RAPGEF6: variants seen among roughly 807,000 people sequenced by gnomAD.
The protein encoded by RAPGEF6 is Rap guanine nucleotide exchange factor 6, also known as PDZ domain containing guanine nucleotide exchange factor (GEF) 2.
A neutral mutation model predicts 171.4 loss-of-function variants in RAPGEF6; 56 were observed. The ratio of observed to expected loss-of-function variants is 0.33; its 90% CI spans 0.26 to 0.41. The LOEUF (loss-of-function observed/expected upper bound fraction) is 0.41. Among genes scored for constraint, RAPGEF6 ranks in the 10% least tolerant of loss-of-function variants. RAPGEF6 has a pLI of 1.00. For synonymous variants in RAPGEF6, 692 were observed against 650.1 expected, an observed-to-expected ratio of 1.06 and a Z score of -0.98; for missense variants, 1,674 against 1,921.4, an observed-to-expected ratio of 0.87 and a Z score of 2.41.
intron 1 of RAPGEF6, among the ~76,000 whole-genome samples, chr5:131,622,751 A>C (rs2150035543): frequency 6.6e-6 from 1 of 152,260 alleles, no homozygotes; most frequent in South Asian, 2.1e-4. Flanking sequence ...AATGAAGGTC[A>C]AGGGGCCCCA....
intron 5 of RAPGEF6, among the ~76,000 whole-genome samples, chr5:131,557,824 T>G (rs1159202474): frequency 6.6e-6 from 1 of 152,188 alleles, no homozygotes; most frequent in Non-Finnish European, 1.5e-5. Context: ...ATTCAAATGC[T>G]AAATCAATTT....
At chr5:131,462,844 T>C (rs1754031235) in intron 18 of RAPGEF6, among the ~76,000 whole-genome samples, 1 of 151,006 alleles carries the variant, frequency 6.6e-6, no homozygotes, top group African/African-American at 2.4e-5. Flanking sequence ...TTTGTATCCA[T>C]CTATCCATCT....
At chr5:131,596,658 C>T (rs1763922893) in intron 3 of RAPGEF6, among the ~76,000 whole-genome samples, 1 of 151,946 alleles carries the variant, frequency 6.6e-6, no homozygotes. Context: ...AAAAAAGGTG[C>T]CAAAGACACT....
At chr5:131,446,765 G>T in intron 21 of RAPGEF6, 62 bp from the exon 22 acceptor site, 1 of 1,432,046 alleles carries the variant, frequency 7.0e-7, no homozygotes, top group Non-Finnish European at 9.6e-7. Context: ...ATAGCAGATT[G>T]AAGATTAAAA....
At chr5:131,502,989 A>C (rs1237685711) in intron 11 of RAPGEF6, among the ~76,000 whole-genome samples, 2 of 151,972 alleles carry the variant, frequency 1.3e-5, no homozygotes, top group Admixed American at 1.3e-4. Context: ...TTTTAGTAGA[A>C]ATAGGGTTTC....
intron 6 of RAPGEF6, among the ~76,000 whole-genome samples, chr5:131,538,848 T>C (rs1002923995): frequency 2.0e-5 from 3 of 152,244 alleles, no homozygotes; most frequent in African/African-American, 7.2e-5. Flanking sequence ...ATCACTTCTA[T>C]GCTTTTTGTC....
intron 4 of RAPGEF6, among the ~76,000 whole-genome samples, chr5:131,584,740 C>T (rs970088391): frequency 2.0e-5 from 3 of 152,192 alleles, no homozygotes; most frequent in Non-Finnish European, 4.4e-5. Flanking sequence ...AGTCCTGTGG[C>T]TTCACCCAGA....
intron 1 of RAPGEF6, among the ~76,000 whole-genome samples, chr5:131,624,248 T>C (rs1177039077): frequency 6.6e-6 from 1 of 152,192 alleles, no homozygotes; most frequent in African/African-American, 2.4e-5. Context: ...ATGGTCAAAT[T>C]CTCAGAACTG....
At position 131,521,357 on chromosome 5, in the gene RAPGEF6, A is replaced by C. The variant is rs759188111; in HGVS notation, c.627+33T>G. On this transcript the variant is annotated intron_variant, in intron 7 of 27. Transcript: ENST00000509018. ...AGAATATCTGGCAAATAAAAAAACC[A>C]TATACGCAGCATACAAATTCCTAAG... is the stretch of plus-strand genomic sequence containing the variant. 1.4e-5 allele frequency: 21 copies of C among 1,554,794 alleles called. No individual in the cohort carries two copies. The Admixed American group carries it at 4.2e-4, about 31-fold the overall frequency.
chr5:131,510,602 C>T (rs988175741), intron 7 of RAPGEF6, 111 bp from the exon 8 acceptor site: 73 of 937,852 alleles, frequency 7.8e-5, no homozygotes, highest in African/African-American at 5.4e-4. Flanking sequence ...ACTTGGGCAA[C>T]GCTGGATGCT....
chr5:131,544,441 C>CA lies in RAPGEF6; in HGVS notation c.495+3605_495+3606insT, dbSNP rs142610884. 6.7e-3 allele frequency among the ~76,000 whole-genome samples: 975 copies of CA among 145,802 alleles called. 8 individuals are homozygous for CA. The highest frequency in any genetic ancestry group is 0.025 in the African/African-American group (913 of 35,932). On this transcript the variant is annotated intron_variant, in intron 6 of 27. Transcript: ENST00000509018. ...CATTATAATGTGTGAAAGAAGCCCA[C>CA]CCCCCCAAAAAAAATCCACAATATA...
chr5:131,481,067 A>C (rs1429934593), intron 15 of RAPGEF6, among the ~76,000 whole-genome samples: 3 of 151,948 alleles, frequency 2.0e-5, no homozygotes, highest in Non-Finnish European at 4.4e-5. Flanking sequence ...CTGGGATTAC[A>C]GACATGCATC....
intron 9 of RAPGEF6, among the ~76,000 whole-genome samples, chr5:131,507,674 T>A (rs1188807691): frequency 2.0e-5 from 3 of 152,142 alleles, no homozygotes; most frequent in African/African-American, 7.2e-5. Flanking sequence ...TTTAAATGTA[T>A]AATAGAAATA....
Position 131,492,025 on chromosome 5 carries a change from CT to C in RAPGEF6, c.1731+556del, listed in dbSNP as rs1756316981. 2.0e-5 allele frequency among the ~76,000 whole-genome samples: 3 copies of C among 152,192 alleles called. No homozygotes were observed. In the South Asian group the frequency reaches 6.2e-4, roughly 32 times the overall value. On this transcript the variant is annotated intron_variant, in intron 14 of 27. Coordinates refer to ENST00000509018, the MANE Select transcript of RAPGEF6 (RefSeq NM_016340.6). ...CACATTTGGAATAGGCTGCTCTATA[CT>C]TACCTAATGCCTATACCAAAAAATA...
In RAPGEF6 at chr5:131,505,474, G is replaced by C; in HGVS notation, c.991C>G (p.Pro331Ala). 1 of 1,613,532 alleles carries C rather than the reference G, an allele frequency of 6.2e-7. No homozygotes were observed. The highest frequency in any genetic ancestry group is 8.5e-7 in the Non-Finnish European group (1 of 1,179,712). The part of the protein sequence containing the change: ...ILNGTVEISH[P>A]DGKVENLFMG... ...AACAAATTTTCAACTTTTCCATCTG[G>C]ATGACTGATTTCCACAGTGCCGTTT... is the stretch of plus-strand genomic sequence containing the variant. Residue 331 changes from proline (P) to alanine (A), a missense_variant, in exon 10 of 28, where the codon CCA becomes GCA. By Grantham distance (27) the Pro-to-Ala change is conservative (BLOSUM62 -1). Coordinates refer to ENST00000509018, the MANE Select transcript of RAPGEF6 (RefSeq NM_016340.6).
At chr5:131,445,058 A>G (rs1182345408) in intron 22 of RAPGEF6, among the ~76,000 whole-genome samples, 1 of 152,254 alleles carries the variant, frequency 6.6e-6, no homozygotes, top group Non-Finnish European at 1.5e-5. Context: ...CAGAAATAAA[A>G]TGTACTCCCA....
intron 1 of RAPGEF6, among the ~76,000 whole-genome samples, chr5:131,621,352 C>G (rs766371949): frequency 3.9e-5 from 6 of 152,000 alleles, no homozygotes; most frequent in Non-Finnish European, 8.8e-5. Flanking sequence ...TGCAGTGGCA[C>G]GATCACAGCT....
chr5:131,462,820 G>A (rs972401406), intron 18 of RAPGEF6, among the ~76,000 whole-genome samples: 1 of 152,150 alleles, frequency 6.6e-6, no homozygotes, highest in Non-Finnish European at 1.5e-5. Flanking sequence ...AATCCAACTT[G>A]ATTTAAGCCT....
intron 9 of RAPGEF6, 127 bp from the exon 10 acceptor site, chr5:131,505,649 C>A: frequency 1.2e-6 from 1 of 800,854 alleles, no homozygotes; most frequent in Non-Finnish European, 1.9e-6. Flanking sequence ...GTTATATTAC[C>A]AAACACTCTG....
Sources: gnomAD v4.1 joint callset for allele counts (sites outside exome capture counted in the v4.1 genomes callset) on GRCh38, gnomAD v4.1.1 for gene constraint, MANE v1.5 for transcripts, NCBI Gene and HGNC (gene_info 2026-07-23, HGNC 2026-07-21) for gene names.